The following PRKN variants were observed in gnomAD, a reference collection of about 807,000 sequenced individuals.
PRKN encodes the protein E3 ubiquitin-protein ligase parkin.
Under a neutral mutation model 59.5 loss-of-function variants are expected in PRKN, and 56 were observed. That is an observed-to-expected ratio of 0.94 (90% CI 0.76 to 1.18). The LOEUF is 1.18. PRKN is among the 50% of genes most tolerant of loss of function. The probability of loss-of-function intolerance (pLI) is 0.00; values close to 1 mark genes in which losing one functional copy is unlikely to be tolerated. For missense variants in PRKN, 657 were observed against 596.4 expected, an observed-to-expected ratio of 1.10 and a Z score of -1.06; for synonymous variants, 250 against 222.1, an observed-to-expected ratio of 1.13 and a Z score of -1.12.
intron 6 of PRKN, among the ~76,000 whole-genome samples, chr6:161,961,782 G>A (rs1208026696): frequency 6.6e-6 from 1 of 152,006 alleles, no homozygotes; most frequent in African/African-American, 2.4e-5. Flanking sequence ...TGAATGAACA[G>A]ACTAATCTCC....
chr6:161,913,326 G>C (rs761472161), intron 6 of PRKN, among the ~76,000 whole-genome samples: 37 of 152,090 alleles, frequency 2.4e-4, no homozygotes, highest in Non-Finnish European at 4.6e-4. Flanking sequence ...TGAAAAAAGA[G>C]CTTATGTGTA....
At chr6:162,648,677 C>T (rs1190275196) in intron 1 of PRKN, among the ~76,000 whole-genome samples, 1 of 152,156 alleles carries the variant, frequency 6.6e-6, no homozygotes. Context: ...CCACGACAGC[C>T]GGCCAGTGTT....
chr6:162,438,164 T>C (rs1177585317), intron 2 of PRKN, among the ~76,000 whole-genome samples: 5 of 152,218 alleles, frequency 3.3e-5, no homozygotes, highest in Non-Finnish European at 7.4e-5. Context: ...ATTCTTAACT[T>C]GTCATGCTCT....
At chr6:161,825,791 C>T (rs928547058) in intron 6 of PRKN, among the ~76,000 whole-genome samples, 1 of 152,142 alleles carries the variant, frequency 6.6e-6, no homozygotes, top group Non-Finnish European at 1.5e-5. Flanking sequence ...GCCTCCTTCC[C>T]TTCTCCTTGC....
At chr6:162,234,850 G>A (rs1038254275) in intron 3 of PRKN, among the ~76,000 whole-genome samples, 4 of 152,192 alleles carry the variant, frequency 2.6e-5, no homozygotes, top group African/African-American at 9.6e-5. Flanking sequence ...AACAGGCTAT[G>A]TGGACTTCAG....
At chr6:162,368,684 A>G (rs1482279376) in intron 2 of PRKN, among the ~76,000 whole-genome samples, 1 of 152,202 alleles carries the variant, frequency 6.6e-6, no homozygotes, top group East Asian at 1.9e-4. Context: ...AGAAAGGCAA[A>G]GGATTTAGGC....
rs1784630462 is a variant in PRKN at position 161,353,254 on chromosome 6, T to A, written c.1286-3043A>T. ...CCAGCCCAGGGCAGGACTGGAACCA[T>A]CCGCAGCTGTTCTGACTGTGGGTTA... On this transcript the variant is annotated intron_variant, in intron 11 of 11. Transcript: ENST00000366898. The surrounding 1 kb of genome is among the most constrained non-coding windows in gnomAD (Gnocchi z 4.8). Among the ~76,000 whole-genome samples, 1 of 152,128 alleles carries A rather than the reference T, an allele frequency of 6.6e-6. No individual in the cohort carries two copies. Among genetic ancestry groups the A allele is most frequent in the African/African-American group, 2.4e-5 (1 of 41,416 alleles).
At chr6:162,700,242 T>C (rs891602220) in intron 1 of PRKN, among the ~76,000 whole-genome samples, 2 of 152,182 alleles carry the variant, frequency 1.3e-5, no homozygotes, top group Non-Finnish European at 1.5e-5. Flanking sequence ...AATCTGCTTA[T>C]TGTCAGTTCA....
intron 6 of PRKN, among the ~76,000 whole-genome samples, chr6:161,949,496 G>GC (rs1297318595): frequency 6.6e-6 from 1 of 151,828 alleles, no homozygotes; most frequent in Admixed American, 6.6e-5. Flanking sequence ...GGGCAACAGA[G>GC]CAAGACTCTG....
chr6:161,926,141 G>A (rs1217082359), intron 6 of PRKN, among the ~76,000 whole-genome samples: 2 of 152,144 alleles, frequency 1.3e-5, no homozygotes, highest in Admixed American at 1.3e-4. Context: ...CTAAGTAAAT[G>A]GGAGTGGTGA....
chr6:162,222,594 G>C (rs1015630925), intron 3 of PRKN, among the ~76,000 whole-genome samples: 1 of 152,116 alleles, frequency 6.6e-6, no homozygotes, highest in African/African-American at 2.4e-5. Flanking sequence ...ATCCCAAACT[G>C]CAGAAAGGAA....
chr6:161,789,908 T>G (rs1248186777), intron 6 of PRKN, among the ~76,000 whole-genome samples: 1 of 150,342 alleles, frequency 6.7e-6, no homozygotes, highest in Non-Finnish European at 1.5e-5. Flanking sequence ...CATTTACATG[T>G]TGTTCACTAA....
chr6:161,916,840 C>T (rs1047947967), intron 6 of PRKN, among the ~76,000 whole-genome samples: 1 of 152,170 alleles, frequency 6.6e-6, no homozygotes, highest in South Asian at 2.1e-4. Flanking sequence ...GCTCTGTCAC[C>T]CAGGCTGGAA....
intron 2 of PRKN, among the ~76,000 whole-genome samples, chr6:162,429,138 A>G (rs1789385808): frequency 6.6e-6 from 1 of 152,176 alleles, no homozygotes; most frequent in African/African-American, 2.4e-5. Flanking sequence ...AGTATAACCA[A>G]TTGGGGTTTA....
At chr6:161,996,486 AAAT>A (rs146587819) in intron 5 of PRKN, among the ~76,000 whole-genome samples, 12,011 of 152,226 alleles carry the variant, frequency 0.079, 536 homozygotes, top group Middle Eastern at 0.11. Context: ...GATCCATCAA[AAAT>A]AATACTGTAA....
chr6:161,383,354 G>A (rs1786079930), intron 10 of PRKN, among the ~76,000 whole-genome samples: 2 of 152,248 alleles, frequency 1.3e-5, no homozygotes, highest in African/African-American at 4.8e-5. Context: ...AACTTGGGAA[G>A]ATTGGTAAAT....
chr6:161,640,177 C>T (rs1233910611), intron 7 of PRKN, among the ~76,000 whole-genome samples: 1 of 152,200 alleles, frequency 6.6e-6, no homozygotes. Flanking sequence ...CCTCACTTTC[C>T]TCATTCATAT....
At chr6:161,913,170 G>GAAA (rs762633376) in intron 6 of PRKN, among the ~76,000 whole-genome samples, 10 of 86,594 alleles carry the variant, frequency 1.2e-4, no homozygotes, top group Non-Finnish European at 2.0e-4. Context: ...TCCATCTCAG[G>GAAA]AAAAAAAAAA....
intron 2 of PRKN, among the ~76,000 whole-genome samples, chr6:162,365,239 T>A (rs1415436942): frequency 1.3e-5 from 2 of 152,154 alleles, no homozygotes; most frequent in African/African-American, 4.8e-5. Context: ...TATATTTTGA[T>A]ATTGTATTTT....
Sources: gnomAD v4.1 joint callset for allele counts (sites outside exome capture counted in the v4.1 genomes callset) on GRCh38, gnomAD v4.1.1 for gene constraint, Gnocchi (gnomAD v3.1) non-coding constraint, MANE v1.5 for transcripts, NCBI Gene and HGNC (gene_info 2026-07-23, HGNC 2026-07-21) for gene names.